The following GAS2L3 variants were observed in gnomAD, a reference collection of about 807,000 sequenced individuals.
GAS2L3 encodes the protein growth arrest specific 2 like 3.
A neutral mutation model predicts 37.0 loss-of-function variants in GAS2L3; 28 were observed. That is an observed-to-expected ratio of 0.76 (90% confidence interval 0.56 to 1.04). GAS2L3 has a LOEUF of 1.04. GAS2L3 is among the 50% of genes least tolerant of loss of function. The pLI is 0.00. For synonymous variants in GAS2L3, 290 were observed against 296.6 expected, an observed-to-expected ratio of 0.98 and a Z score of 0.23; for missense variants, 793 against 817.6, an observed-to-expected ratio of 0.97 and a Z score of 0.37.
At chr12:100,594,739 G>A in intron 2 of GAS2L3, 136 bp from the exon 3 acceptor site, 1 of 370,820 alleles carries the variant, frequency 2.7e-6, no homozygotes, top group Non-Finnish European at 5.1e-6. Flanking sequence ...CTTATACTCA[G>A]ACTTTTCTAA....
intron 6 of GAS2L3, among the ~76,000 whole-genome samples, chr12:100,614,109 A>G (rs947255067): frequency 2.0e-5 from 3 of 152,106 alleles, no homozygotes; most frequent in Admixed American, 6.6e-5. Flanking sequence ...GTTTACCTTT[A>G]TATTGCATTT....
intron 6 of GAS2L3, among the ~76,000 whole-genome samples, chr12:100,616,433 T>C (rs1427961078): frequency 1.3e-5 from 2 of 152,116 alleles, no homozygotes; most frequent in Non-Finnish European, 2.9e-5. Context: ...TTTGTTTTTG[T>C]TTTTGTTGCT....
At chr12:100,591,039 C>G in intron 1 of GAS2L3, among the ~76,000 whole-genome samples, 1 of 152,020 alleles carries the variant, frequency 6.6e-6, no homozygotes. Context: ...AAAAAACTTA[C>G]TCATGTAACC....
chr12:100,618,424 A>T (rs761005130), intron 7 of GAS2L3, 25 bp from the exon 8 acceptor site: 1 of 1,586,516 alleles, frequency 6.3e-7, no homozygotes, highest in African/African-American at 1.4e-5. Context: ...TGCTTGAATG[A>T]TCAGATCTCC....
intron 1 of GAS2L3, among the ~76,000 whole-genome samples, chr12:100,575,651 T>G (rs1481467206): frequency 6.6e-6 from 1 of 151,972 alleles, no homozygotes; most frequent in African/African-American, 2.4e-5. Flanking sequence ...CAGCTGATTT[T>G]TGTATTTTGG....
intron 1 of GAS2L3, among the ~76,000 whole-genome samples, chr12:100,589,871 C>A (rs542176224): frequency 2.0e-5 from 3 of 151,772 alleles, no homozygotes; most frequent in African/African-American, 4.8e-5. Flanking sequence ...TGGCTAGCCA[C>A]GTGTAGGATC....
At position 100,600,474 on chromosome 12, in the gene GAS2L3, G is replaced by C; in HGVS notation, c.111G>C (p.Glu37Asp). Residue 37 changes from glutamate to aspartate, a missense_variant, in exon 4 of 10, where the codon GAG (glutamate) becomes GAC (aspartate). Physicochemically the swap from Glu to Asp is conservative, Grantham distance 45. Coordinates refer to ENST00000547754, the MANE Select transcript of GAS2L3 (RefSeq NM_174942.3). ...TGGCTAATGTTTGTCAGTACGATGA[G>C]TGGATAGCTGTGAGGCATGAAGCCA... ...PGLANVCQYD[E>D]WIAVRHEATL... The C allele has an allele frequency of 6.2e-7, 1 of 1,613,626 alleles. No homozygotes were observed. The highest frequency in any genetic ancestry group is 8.5e-7 in the Non-Finnish European group (1 of 1,179,624).
chr12:100,611,586 G>A (rs187282630), intron 5 of GAS2L3, among the ~76,000 whole-genome samples: 66 of 152,188 alleles, frequency 4.3e-4, no homozygotes, highest in Admixed American at 3.9e-3. Context: ...GTGGTTTTGG[G>A]ATGTAACTAC....
chr12:100,578,956 C>T (rs1955672910), intron 1 of GAS2L3: 4 of 906,742 alleles, frequency 4.4e-6, no homozygotes, highest in Non-Finnish European at 7.2e-6. Flanking sequence ...TAATTGTCAT[C>T]CATGCTTATG....
chr12:100,579,570 A>G lies in GAS2L3; in HGVS notation c.-152+5785A>G, dbSNP rs1955683137. On this transcript the variant is annotated intron_variant, in intron 1 of 9. Coordinates refer to ENST00000547754, the MANE Select transcript of GAS2L3 (RefSeq NM_174942.3). ...AATCATTTTGCAAGAAGTTCCGGAA[A>G]GATACCAGTTGCATGACAGGGTGCA... The G allele has an allele frequency of 3.9e-6, 3 of 773,482 alleles. No individual in the cohort carries two copies. In the East Asian group the frequency reaches 7.3e-5, roughly 19 times the overall value. 47.9% of individuals were successfully genotyped at this position (773,482 alleles called of 1,614,324 possible). A position where few individuals can be genotyped will look rare whatever the true frequency, so the allele number is the denominator to read the frequency against.
chr12:100,594,891 C>A lies in GAS2L3; in HGVS notation c.-14C>A. 2 of 1,322,938 alleles carry A rather than the reference C, an allele frequency of 1.5e-6. No individual in the cohort carries two copies. The highest frequency in any genetic ancestry group is 1.6e-5 in the South Asian group (1 of 61,978). The allele number at this position is 1,322,938 out of a possible 1,614,324, so 81.9% of individuals were successfully genotyped here. A position where few individuals can be genotyped will look rare whatever the true frequency, so the allele number is the denominator to read the frequency against. ...TTTTTTCAGAAAAGAAATTTCATTT[C>A]AATATAGGTGACTATGCAGCCTGCA... On this transcript the variant is annotated 5_prime_UTR_variant, in exon 3 of 10. The change creates a premature stop within an existing upstream ORF in the 5' untranslated region. Transcript: ENST00000547754.
intron 1 of GAS2L3, among the ~76,000 whole-genome samples, chr12:100,580,551 G>T (rs2136379479): frequency 6.6e-6 from 1 of 152,288 alleles, no homozygotes; most frequent in South Asian, 2.1e-4. Flanking sequence ...TTTTTGGCCA[G>T]TTTTTAATGT....
At chr12:100,588,242 TA>T (rs1191696144) in intron 1 of GAS2L3, among the ~76,000 whole-genome samples, 3 of 152,084 alleles carry the variant, frequency 2.0e-5, no homozygotes, top group Admixed American at 2.0e-4. Context: ...CTATTTTCCA[TA>T]AGTGTCGGCT....
At chr12:100,620,574 A>G (rs765235087) in intron 8 of GAS2L3, among the ~76,000 whole-genome samples, 3 of 151,992 alleles carry the variant, frequency 2.0e-5, no homozygotes, top group African/African-American at 7.2e-5. Context: ...TTATATCTGC[A>G]TTCTTGTTAT....
intron 1 of GAS2L3, chr12:100,579,612 G>C (rs1285136882): frequency 1.3e-6 from 1 of 774,760 alleles, no homozygotes; most frequent in Non-Finnish European, 2.4e-6. Context: ...GGGAGCTTTA[G>C]AACACAAGAA....
At chr12:100,579,594 C>T (rs1244051794) in intron 1 of GAS2L3, 3 of 773,320 alleles carry the variant, frequency 3.9e-6, no homozygotes, top group Admixed American at 1.7e-5. Flanking sequence ...TGACAGGGTG[C>T]ATCTTTTGGG....
chr12:100,620,989 T>C (rs997049646), intron 8 of GAS2L3, among the ~76,000 whole-genome samples: 9 of 152,126 alleles, frequency 5.9e-5, no homozygotes, highest in African/African-American at 1.9e-4. Flanking sequence ...AAATCAGTTC[T>C]ATTTGTTTAT....
intron 5 of GAS2L3, 98 bp from the exon 6 acceptor site, chr12:100,611,902 C>T (rs2136526835): frequency 1.3e-6 from 1 of 785,316 alleles, no homozygotes; most frequent in East Asian, 2.5e-5. Flanking sequence ...TTTTTGGTTA[C>T]AGGTGATGGA....
intron 1 of GAS2L3, among the ~76,000 whole-genome samples, chr12:100,576,157 T>C (rs939108633): frequency 6.6e-6 from 1 of 152,204 alleles, no homozygotes; most frequent in Non-Finnish European, 1.5e-5. Flanking sequence ...TAAATAGAAA[T>C]GATGTTTGGA....
Sources: gnomAD v4.1 joint callset for allele counts (sites outside exome capture counted in the v4.1 genomes callset) on GRCh38, gnomAD v4.1.1 for gene constraint, MANE v1.5 for transcripts, NCBI Gene and HGNC (gene_info 2026-07-23, HGNC 2026-07-21) for gene names.